TLE4: variants seen among roughly 807,000 people sequenced by gnomAD.
The protein encoded by TLE4 is TLE family member 4, transcriptional corepressor.
A neutral mutation model predicts 92.8 loss-of-function variants in TLE4; 8 were observed. That is an observed-to-expected ratio of 0.09 (90% CI 0.05 to 0.16). The LOEUF (loss-of-function observed/expected upper bound fraction) is 0.16, where lower values mean the gene tolerates loss of function less well. Among genes scored for constraint, TLE4 ranks in the 10% least tolerant of loss-of-function variants. TLE4 has a pLI of 1.00. For synonymous variants in TLE4, 371 were observed against 374.1 expected, an observed-to-expected ratio of 0.99 and a Z score of 0.10; for missense variants, 675 against 997.6, an observed-to-expected ratio of 0.68 and a Z score of 4.36.
At chr9:79,677,562 G>A (rs933184339) in intron 8 of TLE4, among the ~76,000 whole-genome samples, 1 of 150,586 alleles carries the variant, frequency 6.6e-6, no homozygotes, top group Non-Finnish European at 1.5e-5. Flanking sequence ...TAATTTTTTT[G>A]AATTGGTAAT....
At chr9:79,656,312 C>T (rs1393909555) in intron 8 of TLE4, among the ~76,000 whole-genome samples, 2 of 152,080 alleles carry the variant, frequency 1.3e-5, no homozygotes, top group Non-Finnish European at 2.9e-5. Flanking sequence ...TCAGCCAGAG[C>T]GTGCCAGTTG....
chr9:79,655,428 C>T (rs779957615), intron 8 of TLE4, among the ~76,000 whole-genome samples: 27 of 151,988 alleles, frequency 1.8e-4, no homozygotes, highest in Admixed American at 3.9e-4. Flanking sequence ...TACTCCTTGT[C>T]GTTTTACAAT....
intron 14 of TLE4, chr9:79,717,894 A>C: frequency 2.3e-6 from 1 of 441,344 alleles, no homozygotes. Flanking sequence ...CCAGAAACCT[A>C]ACATGCGTCA....
chr9:79,590,784 A>G (rs1005177494), intron 4 of TLE4, among the ~76,000 whole-genome samples: 4 of 152,140 alleles, frequency 2.6e-5, no homozygotes, highest in Non-Finnish European at 5.9e-5. Flanking sequence ...CTTTTTTGCC[A>G]CTTTCTTTCT....
intron 14 of TLE4, among the ~76,000 whole-genome samples, chr9:79,712,174 T>C (rs184475363): frequency 1.4e-4 from 22 of 152,344 alleles, no homozygotes; most frequent in African/African-American, 5.3e-4. Flanking sequence ...ATTATTTCCC[T>C]TTCAGCTTTG....
At chr9:79,724,829 T>G in intron 19 of TLE4, among the ~76,000 whole-genome samples, 1 of 115,718 alleles carries the variant, frequency 8.6e-6, no homozygotes, top group African/African-American at 3.3e-5. Context: ...CCTGAGTGAC[T>G]GAGGGAGACC....
At chr9:79,690,066 A>G (rs1190915220) in intron 8 of TLE4, among the ~76,000 whole-genome samples, 1 of 151,662 alleles carries the variant, frequency 6.6e-6, no homozygotes, top group Non-Finnish European at 1.5e-5. Context: ...TCTCATTCCA[A>G]CCATGACCCC....
intron 2 of TLE4, 97 bp from the exon 3 acceptor site, chr9:79,574,776 A>T: frequency 9.9e-7 from 1 of 1,009,316 alleles, no homozygotes; most frequent in East Asian, 2.5e-5. Flanking sequence ...AAGATTGTTG[A>T]TTTAGTTGTT....
intron 14 of TLE4, among the ~76,000 whole-genome samples, chr9:79,717,823 C>T (rs933747144): frequency 1.3e-5 from 2 of 152,154 alleles, no homozygotes; most frequent in Admixed American, 1.3e-4. Context: ...TGGGCTGTTG[C>T]CTATGATAGT....
intron 4 of TLE4, among the ~76,000 whole-genome samples, chr9:79,592,493 C>T (rs1044306116): frequency 6.6e-6 from 1 of 151,988 alleles, no homozygotes; most frequent in Non-Finnish European, 1.5e-5. Flanking sequence ...CCAGGCTAAT[C>T]TCAAACTTCT....
At chr9:79,693,742 T>C in intron 8 of TLE4, 1 of 469,388 alleles carries the variant, frequency 2.1e-6, no homozygotes, top group Non-Finnish European at 4.2e-6. Flanking sequence ...AAAAAGTGCA[T>C]CATGTCCTTC....
At chr9:79,603,413 C>T (rs1461996885) in intron 4 of TLE4, among the ~76,000 whole-genome samples, 1 of 152,076 alleles carries the variant, frequency 6.6e-6, no homozygotes, top group Non-Finnish European at 1.5e-5. Context: ...CAGTATTGAG[C>T]CAAAACCCTC....
chr9:79,641,033 G>A (rs988145528), intron 6 of TLE4, among the ~76,000 whole-genome samples: 1 of 151,430 alleles, frequency 6.6e-6, no homozygotes, highest in Non-Finnish European at 1.5e-5. Context: ...GGGGCTACCT[G>A]GTTATTCTTG....
chr9:79,572,800 G>A lies in TLE4; in HGVS notation c.10G>A (p.Asp4Asn). 2 of 1,602,110 alleles carry A rather than the reference G, an allele frequency of 1.2e-6. No homozygotes were observed. Among genetic ancestry groups the A allele is most frequent in the Non-Finnish European group, 8.5e-7 (1 of 1,175,052 alleles). ...AACTAAATCGGCTTGGATGATTCGC[G>A]ACCTGAGCAAGATGTACCCGCAGAC... MIR[D>N]LSKMYPQTRH... The change falls in exon 1 of 20, where the codon GAC becomes AAC. Residue 4 changes from aspartate to asparagine, a missense_variant. Asp to Asn is a conservative substitution (Grantham distance 23). Transcript: ENST00000376552.
intron 4 of TLE4, among the ~76,000 whole-genome samples, chr9:79,599,687 T>C (rs569104812): frequency 6.6e-6 from 1 of 152,258 alleles, no homozygotes; most frequent in Admixed American, 6.5e-5. Context: ...TCATAGTGTG[T>C]GAGGTCGTCT....
chr9:79,679,149 G>T (rs1253573664), intron 8 of TLE4, among the ~76,000 whole-genome samples: 1 of 151,988 alleles, frequency 6.6e-6, no homozygotes, highest in Admixed American at 6.6e-5. Context: ...TAATGGGATG[G>T]CTGGGTCAAA....
intron 4 of TLE4, among the ~76,000 whole-genome samples, chr9:79,602,454 C>T (rs2045876568): frequency 6.6e-6 from 1 of 152,164 alleles, no homozygotes; most frequent in Non-Finnish European, 1.5e-5. Context: ...GAAGCCAATG[C>T]TCATTTATCA....
At chr9:79,717,878 C>T (rs942939839) in intron 14 of TLE4, 4 of 424,318 alleles carry the variant, frequency 9.4e-6, no homozygotes, top group Non-Finnish European at 1.4e-5. Context: ...CTGGCGTCTT[C>T]TGCTTCCAGA....
At chr9:79,633,775 C>T (rs761126371) in intron 6 of TLE4, among the ~76,000 whole-genome samples, 6 of 152,142 alleles carry the variant, frequency 3.9e-5, no homozygotes, top group African/African-American at 9.7e-5. Context: ...CACCAACTTC[C>T]GTATAGTCAG....
Sources: allele counts gnomAD v4.1 joint callset (sites outside exome capture counted in the v4.1 genomes callset), GRCh38; gene constraint gnomAD v4.1.1; transcripts MANE v1.5; gene names NCBI Gene and HGNC (gene_info 2026-07-23, HGNC 2026-07-21).